Variants in LRMDA observed in about 807,000 individuals in gnomAD.
LRMDA encodes leucine-rich melanocyte differentiation-associated protein.
Under a neutral mutation model 29.8 loss-of-function variants are expected in LRMDA, and 18 were observed. The ratio of observed to expected loss-of-function variants is 0.60; its 90% CI spans 0.42 to 0.90. The LOEUF is 0.90. Among genes scored for constraint, LRMDA ranks in the 40% least tolerant of loss-of-function variants. The pLI is 0.00. For missense variants in LRMDA, 273 were observed against 273.9 expected, an observed-to-expected ratio of 1.00 and a Z score of 0.02; for synonymous variants, 125 against 109.4, an observed-to-expected ratio of 1.14 and a Z score of -0.89.
chr10:76,322,638 G>A (rs1840785467), intron 5 of LRMDA, among the ~76,000 whole-genome samples: 1 of 152,192 alleles, frequency 6.6e-6, no homozygotes, highest in Admixed American at 6.5e-5. Flanking sequence ...TCCAGTAATT[G>A]TAGAAAAAAG....
At chr10:76,016,883 C>A (rs1847888075) in intron 2 of LRMDA, among the ~76,000 whole-genome samples, 1 of 152,156 alleles carries the variant, frequency 6.6e-6, no homozygotes, top group Admixed American at 6.5e-5. Context: ...TGGGATGTTG[C>A]CTCCTTGTGA....
intron 3 of LRMDA, among the ~76,000 whole-genome samples, chr10:76,044,590 T>A (rs926315538): frequency 6.6e-6 from 1 of 152,138 alleles, no homozygotes; most frequent in African/African-American, 2.4e-5. Context: ...GTATGATGAT[T>A]GAACTTTAGT....
intron 5 of LRMDA, among the ~76,000 whole-genome samples, chr10:76,280,634 C>A (rs1326769919): frequency 6.6e-6 from 1 of 152,040 alleles, no homozygotes; most frequent in Non-Finnish European, 1.5e-5. Context: ...AATGTATTTG[C>A]CTCCTGGAAT....
chr10:76,027,532 A>G (rs1425767453), intron 2 of LRMDA, among the ~76,000 whole-genome samples: 1 of 152,210 alleles, frequency 6.6e-6, no homozygotes, highest in African/African-American at 2.4e-5. Flanking sequence ...ACACACACAC[A>G]CATAAATATA....
At chr10:75,728,424 C>CTG (rs1564551096) in intron 2 of LRMDA, among the ~76,000 whole-genome samples, 1 of 131,866 alleles carries the variant, frequency 7.6e-6, no homozygotes, top group African/African-American at 3.1e-5. Context: ...TGATACGTGG[C>CTG]TCTGTGTGTG....
At chr10:76,478,506 A>T in intron 6 of LRMDA, among the ~76,000 whole-genome samples, 1 of 152,186 alleles carries the variant, frequency 6.6e-6, no homozygotes. Flanking sequence ...TCAGGGATCT[A>T]GAACTAGAAA....
At chr10:75,473,672 C>T (rs1844753643) in intron 2 of LRMDA, among the ~76,000 whole-genome samples, 1 of 152,202 alleles carries the variant, frequency 6.6e-6, no homozygotes, top group African/African-American at 2.4e-5. Context: ...TTCTGTGGCT[C>T]AGTTTCCTCA....
At chr10:76,103,696 G>A (rs1400671228) in intron 5 of LRMDA, among the ~76,000 whole-genome samples, 2 of 152,208 alleles carry the variant, frequency 1.3e-5, no homozygotes, top group Non-Finnish European at 2.9e-5. Flanking sequence ...CAGGATGACT[G>A]TGTGTTTTCT....
chr10:75,943,528 C>A (rs1377092348), intron 2 of LRMDA, among the ~76,000 whole-genome samples: 1 of 152,102 alleles, frequency 6.6e-6, no homozygotes, highest in African/African-American at 2.4e-5. Flanking sequence ...AGAAAAATGT[C>A]CCAAGCAAGT....
intron 2 of LRMDA, among the ~76,000 whole-genome samples, chr10:75,557,111 C>T (rs967204689): frequency 1.3e-5 from 2 of 151,754 alleles, no homozygotes; most frequent in South Asian, 2.1e-4. Context: ...GTCAGGAGTT[C>T]GAGACCAGCC....
intron 6 of LRMDA, among the ~76,000 whole-genome samples, chr10:76,465,949 C>G (rs1046886133): frequency 6.6e-6 from 1 of 152,126 alleles, no homozygotes; most frequent in Non-Finnish European, 1.5e-5. Context: ...ACCCCAATGA[C>G]CTCATTTTAA....
intron 2 of LRMDA, among the ~76,000 whole-genome samples, chr10:75,918,806 C>G (rs991285538): frequency 6.6e-6 from 1 of 152,128 alleles, no homozygotes; most frequent in Non-Finnish European, 1.5e-5. Context: ...TCATGGGAAC[C>G]TGCCCCATTC....
intron 5 of LRMDA, among the ~76,000 whole-genome samples, chr10:76,279,575 C>T (rs1249398308): frequency 5.0e-5 from 5 of 100,738 alleles, no homozygotes; most frequent in East Asian, 2.8e-4. Flanking sequence ...GATGGAGTTT[C>T]GCTCTTGTTG....
In LRMDA at chr10:75,566,249, C is replaced by T. The variant is rs147291949; in HGVS notation, c.131+127755C>T. On this transcript the variant is annotated intron_variant, in intron 2 of 6. Transcript: ENST00000611255. ...ATCTGTCTCATTGCTCGTTCCTTCTCCTCTTCTCCTCTACCAAACTTCCTG... is the reference window on the plus strand; with the variant it reads ...ATCTGTCTCATTGCTCGTTCCTTCTTCTCTTCTCCTCTACCAAACTTCCTG... 1.1e-3 allele frequency among the ~76,000 whole-genome samples: 172 copies of T among 152,254 alleles called. 1 individual carries two copies. The highest frequency in any genetic ancestry group is 4.0e-3 in the African/African-American group (167 of 41,538).
At chr10:76,010,935 A>C (rs936285382) in intron 2 of LRMDA, among the ~76,000 whole-genome samples, 1 of 152,256 alleles carries the variant, frequency 6.6e-6, no homozygotes, top group African/African-American at 2.4e-5. Flanking sequence ...CTTGACATTC[A>C]AAAATTCTAT....
chr10:75,521,532 C>T (rs1310928489), intron 2 of LRMDA, among the ~76,000 whole-genome samples: 1 of 152,232 alleles, frequency 6.6e-6, no homozygotes, highest in Non-Finnish European at 1.5e-5. Context: ...GGGAGAGAAT[C>T]TCCTGGTATC....
rs143078023 is a variant in LRMDA, at chr10:75,533,361, G to A, written c.131+94867G>A. 2.5e-3 allele frequency among the ~76,000 whole-genome samples: 381 copies of A among 152,336 alleles called. 2 individuals are homozygous for A. Among genetic ancestry groups the A allele is most frequent in the Non-Finnish European group, 3.4e-3 (234 of 68,028 alleles). On this transcript the variant is annotated intron_variant, in intron 2 of 6. Coordinates refer to ENST00000611255, the MANE Select transcript of LRMDA (RefSeq NM_001305581.2). ...CAAATGAAATAGGTAACAATTAGGG[G>A]TGGGGTAACCCAGGGTCTCTTTGGA...
At position 76,332,094 on chromosome 10, in the gene LRMDA, A is replaced by G. The variant is rs139659381; in HGVS notation, c.601+7609A>G. Among the ~76,000 whole-genome samples, 477 of 152,296 alleles carry G rather than the reference A, an allele frequency of 3.1e-3. 3 individuals are homozygous for G. The highest frequency in any genetic ancestry group is 0.011 in the African/African-American group (447 of 41,578). ...CTCCTTGCTACTTTGCAGGGTCAATAGCTTCACTCTGTACAGAGCCGGGCT... is the reference window on the plus strand; with the variant it reads ...CTCCTTGCTACTTTGCAGGGTCAATGGCTTCACTCTGTACAGAGCCGGGCT... On this transcript the variant is annotated intron_variant, in intron 6 of 6. Transcript: ENST00000611255.
chr10:75,799,314 C>A (rs1843707363), intron 2 of LRMDA, among the ~76,000 whole-genome samples: 1 of 152,180 alleles, frequency 6.6e-6, no homozygotes. Flanking sequence ...GTTTAAACCT[C>A]TGATCATAGT....
Sources: allele counts gnomAD v4.1 joint callset (sites outside exome capture counted in the v4.1 genomes callset), GRCh38; gene constraint gnomAD v4.1.1; transcripts MANE v1.5; gene names NCBI Gene and HGNC (gene_info 2026-07-23, HGNC 2026-07-21).